The following FKBP5 variants were observed in gnomAD, a reference collection of about 807,000 sequenced individuals.
The protein encoded by FKBP5 is peptidyl-prolyl cis-trans isomerase FKBP5.
Under a neutral mutation model 50.5 loss-of-function variants are expected in FKBP5, and 23 were observed. The observed-to-expected ratio is 0.46, with a 90% CI of 0.33 to 0.65. FKBP5 has a LOEUF of 0.65. Ranked by LOEUF, FKBP5 falls within the 30% of genes least tolerant of loss-of-function variation. The pLI is 0.02. For missense variants in FKBP5, 411 were observed against 553.1 expected (o/e 0.74, Z 2.58); for synonymous variants, 176 against 190.6 (o/e 0.92, Z 0.63).
chr6:35,652,967 A>G (rs1764851760), intron 1 of FKBP5, among the ~76,000 whole-genome samples: 3 of 152,142 alleles, frequency 2.0e-5, no homozygotes, highest in Non-Finnish European at 4.4e-5. Context: ...GCTTAGGAAA[A>G]TAGAAAAGAA....
intron 1 of FKBP5, among the ~76,000 whole-genome samples, chr6:35,726,757 G>A (rs1766721848): frequency 6.6e-6 from 1 of 152,150 alleles, no homozygotes; most frequent in African/African-American, 2.4e-5. Flanking sequence ...CCCAAGGGGA[G>A]GATATCATTT....
chr6:35,583,908 A>G, intron 8 of FKBP5: 1 of 985,438 alleles, frequency 1.0e-6, no homozygotes, highest in Middle Eastern at 5.2e-4. Flanking sequence ...AAAATATAGC[A>G]AAGCCCGATT....
At chr6:35,616,679 G>A (rs923380813) in intron 5 of FKBP5, among the ~76,000 whole-genome samples, 5 of 152,046 alleles carry the variant, frequency 3.3e-5, no homozygotes, top group South Asian at 2.1e-4. Flanking sequence ...TCTCCACAGC[G>A]GTAATTTTGT....
At chr6:35,633,629 C>T (rs778895766) in intron 3 of FKBP5, among the ~76,000 whole-genome samples, 17 of 151,208 alleles carry the variant, frequency 1.1e-4, no homozygotes, top group Non-Finnish European at 2.2e-4. Context: ...CAACTAAATA[C>T]GTTATGTTAT....
At chr6:35,724,474 G>A (rs571019815) in intron 1 of FKBP5, among the ~76,000 whole-genome samples, 1 of 152,202 alleles carries the variant, frequency 6.6e-6, no homozygotes, top group Non-Finnish European at 1.5e-5. Context: ...CTCCAAGGAG[G>A]CAGAGTTCTC....
intron 2 of FKBP5, among the ~76,000 whole-genome samples, chr6:35,701,248 G>C (rs998805071): frequency 7.2e-6 from 1 of 139,390 alleles, no homozygotes; most frequent in South Asian, 2.2e-4. Context: ...TTGTTTTTTT[G>C]TTTTTTTTTT....
rs1762247944 is a variant in FKBP5 at position 35,577,148 on chromosome 6, T to G, written c.1112A>C (p.Lys371Thr). ...QLLMNEFESAKGDFEKVLEVN... is the reference protein window; with the variant it reads ...QLLMNEFESATGDFEKVLEVN... ...TTCCAGCACTTTCTCAAAGTCACCC[T>G]TGGCTGACTCAAACTCGTTCATGAG... The change falls in exon 10 of 11, where the codon AAG (lysine) becomes ACG (threonine). Residue 371 changes from lysine to threonine, a missense_variant. Physicochemically the swap from Lys to Thr is moderately conservative, Grantham distance 78. Around this residue, in one of 3 missense-constraint regions of FKBP5, gnomAD observed 267 missense variants for 405.9 expected, o/e 0.66. Transcript: ENST00000357266. The G allele has an allele frequency of 3.1e-6, 5 of 1,614,062 alleles. No individual in the cohort carries two copies. The highest frequency in any genetic ancestry group is 4.2e-6 in the Non-Finnish European group (5 of 1,180,004).
At chr6:35,696,400 T>C (rs1766082007) in intron 2 of FKBP5, among the ~76,000 whole-genome samples, 1 of 151,358 alleles carries the variant, frequency 6.6e-6, no homozygotes, top group African/African-American at 2.4e-5. Flanking sequence ...TAGTCCCAGC[T>C]ACTCAGGAGG....
At chr6:35,641,390 T>C (rs1764484261) in intron 2 of FKBP5, among the ~76,000 whole-genome samples, 1 of 152,226 alleles carries the variant, frequency 6.6e-6, no homozygotes, top group South Asian at 2.1e-4. Flanking sequence ...TATTATCAAG[T>C]ATTATGTACT....
At chr6:35,715,065 A>T (rs530760150) in intron 2 of FKBP5, among the ~76,000 whole-genome samples, 1 of 152,110 alleles carries the variant, frequency 6.6e-6, no homozygotes, top group African/African-American at 2.4e-5. Context: ...ACGCCTGCGT[A>T]ATTTTTGTAT....
At chr6:35,613,067 C>G (rs1763538694) in intron 5 of FKBP5, among the ~76,000 whole-genome samples, 1 of 152,192 alleles carries the variant, frequency 6.6e-6, no homozygotes, top group Non-Finnish European at 1.5e-5. Context: ...TATCTGTCCC[C>G]TCCTCCATAC....
chr6:35,693,076 TAAA>T (rs35498093), upstream of FKBP5, among the ~76,000 whole-genome samples: 1 of 80,784 alleles, frequency 1.2e-5, no homozygotes, highest in Non-Finnish European at 2.1e-5. Context: ...TCTTTTCAGC[TAAA>T]AAAAAAAAAA....
intron 6 of FKBP5, among the ~76,000 whole-genome samples, chr6:35,593,765 GGCTGGTC>G (rs1762893068): frequency 6.6e-6 from 1 of 151,868 alleles, no homozygotes; most frequent in Non-Finnish European, 1.5e-5. Flanking sequence ...ATGTTGGCCA[GGCTGGTC>G]GCGAACTCCT....
chr6:35,643,761 C>T (rs767406348), intron 1 of FKBP5, among the ~76,000 whole-genome samples: 4 of 152,180 alleles, frequency 2.6e-5, no homozygotes, highest in Non-Finnish European at 4.4e-5. Flanking sequence ...TATTTGTAGG[C>T]CATTTTGCCC....
chr6:35,687,407 T>C (rs1486054471), intron 1 of FKBP5, among the ~76,000 whole-genome samples: 1 of 152,100 alleles, frequency 6.6e-6, no homozygotes, highest in Admixed American at 6.6e-5. Context: ...AGAATAAGAA[T>C]TTTTTTCAAG....
rs779047208 is a variant in FKBP5 at position 35,715,259 on chromosome 6, T to C, written c.-20+5069A>G. ...CATTTCACAGCATCTTCAGCCAAAC[T>C]GGCTGTGAGTAAATCCCACTCCGCC... On this transcript the variant is annotated intron_variant, in intron 2 of 11. Coordinates refer to the FKBP5 transcript ENST00000536438. Among the ~76,000 whole-genome samples, 9 of 152,204 alleles carry C rather than the reference T, an allele frequency of 5.9e-5. No individual in the cohort carries two copies. In the East Asian group the frequency reaches 9.6e-4, roughly 16 times the overall value.
intron 2 of FKBP5, among the ~76,000 whole-genome samples, chr6:35,706,207 T>C (rs1020003175): frequency 7.2e-5 from 11 of 152,142 alleles, no homozygotes; most frequent in Non-Finnish European, 1.5e-4. Context: ...GCAGATCACC[T>C]GAGGTCAGGA....
At chr6:35,705,916 C>A (rs576224502) in intron 2 of FKBP5, among the ~76,000 whole-genome samples, 3 of 152,270 alleles carry the variant, frequency 2.0e-5, no homozygotes, top group Admixed American at 1.3e-4. Context: ...TAGAGACCAG[C>A]CTTGCCAACA....
rs113256143 is a variant in FKBP5, at chr6:35,658,888, T to A, written c.-19-16045A>T. 3.1e-3 allele frequency among the ~76,000 whole-genome samples: 259 copies of A among 82,402 alleles called. 79 individuals carry two copies. Among genetic ancestry groups the A allele is most frequent in the African/African-American group, 9.5e-3 (251 of 26,534 alleles). 54.1% of individuals were successfully genotyped at this position (82,402 alleles called of 152,430 possible). A position where few individuals can be genotyped will look rare whatever the true frequency, so the allele number is the denominator to read the frequency against. On this transcript the variant is annotated intron_variant, in intron 1 of 10. Transcript: ENST00000357266. ...GAGTTCGAGACCAATCTGGGCAACATGGCAAAACCCCATCTCTACCAAAAA... is the reference window on the plus strand; with the variant it reads ...GAGTTCGAGACCAATCTGGGCAACAAGGCAAAACCCCATCTCTACCAAAAA...
Sources: allele counts gnomAD v4.1 joint callset (sites outside exome capture counted in the v4.1 genomes callset), GRCh38; gene constraint gnomAD v4.1.1; regional missense constraint gnomAD v4.1.1; transcripts MANE v1.5; gene names NCBI Gene and HGNC (gene_info 2026-07-23, HGNC 2026-07-21).